The following COL9A3 variants were observed in gnomAD, a reference collection of about 807,000 sequenced individuals.
COL9A3 encodes collagen type IX alpha 3 chain.
COL9A3 carries 82 observed loss-of-function variants against 110.2 expected under a neutral mutation model. The observed-to-expected ratio is 0.74, with a 90% CI of 0.62 to 0.89. The LOEUF is 0.89. COL9A3 is among the 40% of genes least tolerant of loss of function. COL9A3 has a pLI of 0.00. For synonymous variants in COL9A3, 494 were observed against 403.8 expected, an observed-to-expected ratio of 1.22 and a Z score of -2.68; for missense variants, 1,066 against 981.3, an observed-to-expected ratio of 1.09 and a Z score of -1.15.
chr20:62,827,341 CCAA>C, intron 16 of COL9A3, 47 bp downstream of exon 16: 1 of 1,588,574 alleles, frequency 6.3e-7, no homozygotes. Context: ...GTGGAAGAAC[CCAA>C]TTTCCCTCCT....
intron 5 of COL9A3, among the ~76,000 whole-genome samples, chr20:62,820,345 C>CA (rs1991079026): frequency 6.6e-6 from 1 of 152,152 alleles, no homozygotes; most frequent in Non-Finnish European, 1.5e-5. Context: ...GTCCCCTGTG[C>CA]CTGCCTGTTG....
intron 11 of COL9A3, among the ~76,000 whole-genome samples, chr20:62,824,762 G>A (rs1463816205): frequency 6.6e-6 from 1 of 152,186 alleles, no homozygotes; most frequent in Non-Finnish European, 1.5e-5. Context: ...GCCCAGCCCT[G>A]GCCCGCTCCT....
intron 3 of COL9A3, 113 bp from the exon 4 acceptor site, chr20:62,819,109 C>T: frequency 9.4e-7 from 1 of 1,060,184 alleles, no homozygotes; most frequent in Non-Finnish European, 1.4e-6. Flanking sequence ...GGAGAGGGGC[C>T]CATCCCGTAT....
chr20:62,833,658 C>A (rs2313588), intron 26 of COL9A3, among the ~76,000 whole-genome samples: 24,985 of 151,900 alleles, frequency 0.16, 2,149 homozygotes, highest in African/African-American at 0.19. Flanking sequence ...CCGCCTTGGT[C>A]TCTCAAAGTG....
chr20:62,825,932 C>T lies in COL9A3; in HGVS notation c.684+62C>T, dbSNP rs933256300. ...ACTCAGCCCACAGAGTGATCAAGCC[C>T]TGCACATATCTACCCCCGAGGGGGC... On this transcript the variant is annotated intron_variant, in intron 13 of 31. Transcript: ENST00000649368. The T allele has an allele frequency of 4.3e-4, 639 of 1,502,840 alleles. 1 individual carries two copies. Among genetic ancestry groups the T allele is most frequent in the Non-Finnish European group, 3.8e-5 (42 of 1,105,822 alleles). The allele number at this position is 1,502,840 out of a possible 1,614,324, so 93.1% of individuals were successfully genotyped here.
At chr20:62,824,862 T>C in intron 11 of COL9A3, 106 bp from the exon 12 acceptor site, 9 of 1,206,148 alleles carry the variant, frequency 7.5e-6, no homozygotes, top group South Asian at 1.3e-5. Context: ...TGCGCTGCCG[T>C]GTGGCGGGCC....
intron 11 of COL9A3, 119 bp from the exon 12 acceptor site, chr20:62,824,849 C>T: frequency 1.8e-6 from 2 of 1,110,328 alleles, no homozygotes; most frequent in South Asian, 2.7e-5. Context: ...ACCCGCGGTC[C>T]TGTGCGCTGC....
intron 30 of COL9A3, 66 bp from the exon 31 acceptor site, chr20:62,838,618 G>T: frequency 7.1e-7 from 1 of 1,400,284 alleles, no homozygotes; most frequent in Non-Finnish European, 9.9e-7. Flanking sequence ...AGGTTGATCA[G>T]ACACCGCTGT....
rs945591138 is a variant in COL9A3 at position 62,829,461 on chromosome 20, C to T, written c.1015C>T (p.Pro339Ser). Reference sequence around the variant, plus strand: ...GCAAGCTCTCTCCTGGCAGGGCCTCCCTGGACGAGCGGGGTCCAAAGGCGA... The same window carrying T: ...GCAAGCTCTCTCCTGGCAGGGCCTCTCTGGACGAGCGGGGTCCAAAGGCGA... ...EKGPNGLPGL[P>S]GRAGSKGEKG... The change falls in exon 20 of 32, where the codon CCT becomes TCT. Residue 339 changes from proline to serine, a missense_variant. Physicochemically the swap from Pro to Ser is moderately conservative, Grantham distance 74. Coordinates refer to ENST00000649368, the MANE Select transcript of COL9A3 (RefSeq NM_001853.4). 3.7e-6 allele frequency: 6 copies of T among 1,612,848 alleles called. No individual in the cohort carries two copies. The African/African-American group carries it at 4.0e-5, about 11-fold the overall frequency.
In COL9A3 at chr20:62,832,184, G is replaced by C; in HGVS notation, c.1318G>C (p.Asp440His). 1 of 1,612,878 alleles carries C rather than the reference G, an allele frequency of 6.2e-7. No homozygotes were observed. The highest frequency in any genetic ancestry group is 8.5e-7 in the Non-Finnish European group (1 of 1,179,760). Residue 440 changes from aspartate to histidine, a missense_variant, in exon 25 of 32, where the codon GAC (aspartate) becomes CAC (histidine). Physicochemically the swap from Asp to His is moderately conservative, Grantham distance 81. Coordinates refer to ENST00000649368, the MANE Select transcript of COL9A3 (RefSeq NM_001853.4). ...GPGGAAGPKG[D>H]QGIAGSDGLP... ...GGGAGGTGCCGCAGGCCCTAAGGGA[G>C]ACCAGGTGAGCTGGGCACAGGCTGG...
In COL9A3 at chr20:62,829,438, A is replaced by G; in HGVS notation, c.1009-17A>G. 6.2e-7 allele frequency: 1 copy of G among 1,612,686 alleles called. No homozygotes were observed. The highest frequency in any genetic ancestry group is 8.5e-7 in the Non-Finnish European group (1 of 1,179,896). On this transcript the variant is annotated splice_polypyrimidine_tract_variant and intron_variant, in intron 19 of 31. Transcript: ENST00000649368. ...CAATGTAACTGGCAGCCCTGACCGC[A>G]AGCTCTCTCCTGGCAGGGCCTCCCT...
chr20:62,821,675 C>T (rs1046037734), intron 7 of COL9A3, 82 bp from the exon 8 acceptor site: 71 of 1,540,488 alleles, frequency 4.6e-5, no homozygotes, highest in African/African-American at 1.8e-4. Flanking sequence ...CCTCTCCCTT[C>T]GGAGGCGGCA....
At chr20:62,826,298 G>C in intron 14 of COL9A3, 41 bp downstream of exon 14, 1 of 1,531,014 alleles carries the variant, frequency 6.5e-7, no homozygotes, top group South Asian at 1.2e-5. Context: ...CCAGGTGGCT[G>C]GGGGCCTGGT....
chr20:62,834,486 G>T (rs1490759526), intron 26 of COL9A3, among the ~76,000 whole-genome samples: 3 of 152,204 alleles, frequency 2.0e-5, no homozygotes, highest in Non-Finnish European at 4.4e-5. Flanking sequence ...CCCGAGGGGG[G>T]TTTTCATCTA....
At chr20:62,839,031 C>T (rs1600813449) in intron 31 of COL9A3, among the ~76,000 whole-genome samples, 1 of 152,048 alleles carries the variant, frequency 6.6e-6, no homozygotes, top group African/African-American at 2.4e-5. Context: ...TTGAGACCAG[C>T]CTGGCCAACA....
chr20:62,818,964 G>A (rs567167894), intron 3 of COL9A3, among the ~76,000 whole-genome samples: 11 of 152,316 alleles, frequency 7.2e-5, no homozygotes, highest in African/African-American at 2.2e-4. Context: ...CAGGGAGGCC[G>A]AGGTGACCAG....
At position 62,826,808 on chromosome 20, in the gene COL9A3, G is replaced by T. The variant is rs549044273; in HGVS notation, c.780G>T (p.Ala260=). 1.9e-6 allele frequency: 3 copies of T among 1,612,648 alleles called. No homozygotes were observed. The highest frequency in any genetic ancestry group is 2.5e-6 in the Non-Finnish European group (3 of 1,179,948). Residue 260 remains alanine (A), a synonymous_variant, in exon 15 of 32, where the codon GCG becomes GCT. Coordinates refer to ENST00000649368, the MANE Select transcript of COL9A3 (RefSeq NM_001853.4). ...GFRGPPGIPG[A]PGKAGDRGER... ...GAGGGCCGCCTGGGATCCCAGGAGC[G>T]CCTGGGAAAGCGGTACGTGTGTCAG...
chr20:62,818,525 C>G lies in COL9A3; in HGVS notation c.155C>G (p.Ala52Gly). The G allele has an allele frequency of 3.1e-6, 5 of 1,613,104 alleles. No individual in the cohort carries two copies. Among genetic ancestry groups the G allele is most frequent in the Non-Finnish European group, 4.2e-6 (5 of 1,179,936 alleles). The change falls in exon 3 of 32, where the codon GCT (alanine) becomes GGT (glycine). Residue 52 changes from alanine to glycine, a missense_variant. Coordinates refer to ENST00000649368, the MANE Select transcript of COL9A3 (RefSeq NM_001853.4). Reference sequence around the variant, plus strand: ...GGGTGTCTTTCCTCACAGGGAGAAGCTGGTCCTCCAGGTCTGCCTGGGCCC... The same window carrying G: ...GGGTGTCTTTCCTCACAGGGAGAAGGTGGTCCTCCAGGTCTGCCTGGGCCC... ...KPGQDGIDGE[A>G]GPPGLPGPPG...
In COL9A3 at chr20:62,828,761, C is replaced by G; in HGVS notation, c.901-3C>G. ...ACGGGCCTTACTCATCCCTTGTCCCCAGGGCATGCCGGGCAAGGACGGCCA... is the reference window on the plus strand; with the variant it reads ...ACGGGCCTTACTCATCCCTTGTCCCGAGGGCATGCCGGGCAAGGACGGCCA... On this transcript the variant is annotated splice_region_variant and splice_polypyrimidine_tract_variant and intron_variant, in intron 17 of 31. Transcript: ENST00000649368. 6.2e-7 allele frequency: 1 copy of G among 1,612,772 alleles called. No individual in the cohort carries two copies.
Sources: allele counts gnomAD v4.1 joint callset (sites outside exome capture counted in the v4.1 genomes callset), GRCh38; gene constraint gnomAD v4.1.1; transcripts MANE v1.5; gene names NCBI Gene and HGNC (gene_info 2026-07-23, HGNC 2026-07-21).